The following CEP290 variants were observed in gnomAD, a reference collection of about 807,000 sequenced individuals.
The protein encoded by CEP290 is centrosomal protein of 290 kDa.
CEP290 carries 317 observed loss-of-function variants against 344.9 expected under a neutral mutation model. The ratio of observed to expected loss-of-function variants is 0.92; its 90% confidence interval spans 0.84 to 1.01. The LOEUF is 1.01. Ranked by LOEUF, CEP290 falls within the 50% of genes least tolerant of loss-of-function variation. CEP290 has a pLI of 0.00. For missense variants in CEP290, 2,754 were observed against 2,761.4 expected (o/e 1.00, Z 0.06); for synonymous variants, 932 against 895.8 (o/e 1.04, Z -0.72).
rs773622064 is a variant in CEP290 at position 88,136,714 on chromosome 12, AT to A, written c.369del (p.Gln123HisfsTer2). The A allele has an allele frequency of 4.3e-6, 7 of 1,613,478 alleles. No homozygotes were observed. In the African/African-American group the frequency reaches 9.4e-5, roughly 22 times the overall value. On this transcript the variant is annotated frameshift_variant, in exon 6 of 54. Coordinates refer to ENST00000552810, the MANE Select transcript of CEP290 (RefSeq NM_025114.4). LOFTEE classifies it high-confidence loss of function. ...LRNEICQLEK[Q>X]LEQKDRELED... ...TCCAATTCTCTATCTTTTTGTTCTA[AT>A]TGTTTTTCAAGTTGGCAAATTTCAT... is the stretch of plus-strand genomic sequence containing the variant.
At chr12:88,125,208 T>G (rs2039656331) in intron 13 of CEP290, 38 bp downstream of exon 13, 1 of 594,932 alleles carries the variant, frequency 1.7e-6, no homozygotes, top group African/African-American at 1.9e-5. Flanking sequence ...GTTAAAAACA[T>G]AATTGTATAT....
intron 49 of CEP290, among the ~76,000 whole-genome samples, chr12:88,056,072 A>C (rs1240820841): frequency 6.6e-6 from 1 of 152,170 alleles, no homozygotes; most frequent in African/African-American, 2.4e-5. Context: ...AGAAATATAA[A>C]GATGGCAAAT....
rs139903067 is a variant in CEP290, at chr12:88,088,354, T to C, written c.4030-410A>G. On this transcript the variant is annotated intron_variant, in intron 31 of 53. Coordinates refer to ENST00000552810, the MANE Select transcript of CEP290 (RefSeq NM_025114.4). ...TTCTTTCTAAATGAAGATTAAACCA[T>C]ATTAAAAGTAAATGTGGGCCCACTA... Among the ~76,000 whole-genome samples the C allele has an allele frequency of 3.3e-5, 5 of 152,254 alleles. No homozygotes were observed. The East Asian group carries it at 7.7e-4, about 24-fold the overall frequency.
In CEP290 at chr12:88,126,362, T is replaced by C; in HGVS notation, c.1019A>G (p.Asn340Ser). 6.6e-7 allele frequency: 1 copy of C among 1,508,158 alleles called. No individual in the cohort carries two copies. Among genetic ancestry groups the C allele is most frequent in the Non-Finnish European group, 8.8e-7 (1 of 1,133,078 alleles). The allele number at this position is 1,508,158 out of a possible 1,614,324, so 93.4% of individuals were successfully genotyped here. Residue 340 changes from asparagine to serine, a missense_variant, in exon 12 of 54, where the codon AAT (asparagine) becomes AGT (serine). Transcript: ENST00000552810. ...MLHNLREKLK[N>S]AQLDADKSNV... ...ACTTTTATCAGCATCAAGCTGAGCATTCTTAAGTTTCTCCCTTAGGTTATG... is the reference window on the plus strand; with the variant it reads ...ACTTTTATCAGCATCAAGCTGAGCACTCTTAAGTTTCTCCCTTAGGTTATG...
chr12:88,103,178 C>T (rs1043758012), intron 25 of CEP290, 167 bp from the exon 26 acceptor site: 3 of 399,980 alleles, frequency 7.5e-6, no homozygotes, highest in African/African-American at 6.2e-5. Flanking sequence ...TAATTTCTTT[C>T]ATATAAGAAA....
chr12:88,128,980 A>G lies in CEP290; in HGVS notation c.908T>C (p.Met303Thr). ...KSKNEEDDPI[M>T]VAVNAKVEEW... is the part of the protein sequence containing the mutation. The stretch of plus-strand genomic sequence containing the variant: ...TTCTACTTTTGCATTGACAGCTACC[A>G]TAATTGGATCATCTTCTTCATTTTT... The change falls in exon 11 of 54, where the codon ATG becomes ACG. Residue 303 changes from methionine to threonine, a missense_variant. Met to Thr is a moderately conservative substitution (Grantham distance 81). Coordinates refer to ENST00000552810, the MANE Select transcript of CEP290 (RefSeq NM_025114.4). The G allele has an allele frequency of 1.3e-6, 2 of 1,541,714 alleles. No homozygotes were observed. Among genetic ancestry groups the G allele is most frequent in the Non-Finnish European group, 1.7e-6 (2 of 1,153,812 alleles).
chr12:88,114,593 T>C (rs1037522819), intron 19 of CEP290, 31 bp from the exon 20 acceptor site: 4 of 1,503,862 alleles, frequency 2.7e-6, no homozygotes, highest in South Asian at 2.6e-5. Context: ...CATTGGATGA[T>C]CAGATCTTTT....
Position 88,083,837 on chromosome 12 carries a change from A to G in CEP290, c.4812+10T>C. ...CAATAAAGAATGGAACAAAGTTCTT[A>G]GAATCTTACCCAAGCCGTTTGTTTG... On this transcript the variant is annotated intron_variant, in intron 36 of 53. Transcript: ENST00000552810. 3.3e-6 allele frequency: 5 copies of G among 1,496,758 alleles called. No homozygotes were observed. Among genetic ancestry groups the G allele is most frequent in the Non-Finnish European group, 3.7e-6 (4 of 1,095,546 alleles). The allele number at this position is 1,496,758 out of a possible 1,614,324, so 92.7% of individuals were successfully genotyped here.
At position 88,074,743 on chromosome 12, in the gene CEP290, C is replaced by G. The variant is rs539456393; in HGVS notation, c.5709+2479G>C. Among the ~76,000 whole-genome samples, 12 of 152,264 alleles carry G rather than the reference C, an allele frequency of 7.9e-5. 1 individual carries two copies. The South Asian group carries it at 2.3e-3, about 29-fold the overall frequency. On this transcript the variant is annotated intron_variant, in intron 41 of 53. Transcript: ENST00000552810. Reference sequence around the variant, plus strand: ...ATACGAGGGGGTCCTGCCCCATACCCTAGGAGAAGAAATACTGATGTCATG... The same window carrying G: ...ATACGAGGGGGTCCTGCCCCATACCGTAGGAGAAGAAATACTGATGTCATG...
In CEP290 at chr12:88,059,000, T is replaced by C. The variant is rs544886883; in HGVS notation, c.6666A>G (p.Lys2222=). The change falls in exon 49 of 54, where the codon AAA becomes AAG. Residue 2222 remains lysine, a synonymous_variant. Coordinates refer to ENST00000552810, the MANE Select transcript of CEP290 (RefSeq NM_025114.4). ...ELKKETDAAE[K]LRIAKNNLEI... is the part of the protein sequence containing the mutation. ...CTAAATTATTCTTTGCTATCCGTAA[T>C]TTCTCTGCAGCATCAGTTTCCTATC... is the stretch of plus-strand genomic sequence containing the variant. 9.9e-5 allele frequency: 160 copies of C among 1,611,528 alleles called. 3 individuals are homozygous for C. The East Asian group carries it at 3.5e-3, about 36-fold the overall frequency.
chr12:88,107,756 G>A (rs1167628594), intron 23 of CEP290, among the ~76,000 whole-genome samples: 1 of 151,936 alleles, frequency 6.6e-6, no homozygotes, highest in Non-Finnish European at 1.5e-5. Context: ...ACAAAAATTA[G>A]CCAGGCGTGG....
At chr12:88,086,787 A>G (rs905694528) in intron 32 of CEP290, among the ~76,000 whole-genome samples, 23 of 151,998 alleles carry the variant, frequency 1.5e-4, no homozygotes, top group African/African-American at 5.6e-4. Flanking sequence ...GCCAAGCATC[A>G]TTCTAGGAAA....
In CEP290 at chr12:88,049,047, TAAG is replaced by T. The variant is rs1178852308; in HGVS notation, c.*134_*136del. 1 of 457,162 alleles carries T rather than the reference TAAG, an allele frequency of 2.2e-6. No individual in the cohort carries two copies. The highest frequency in any genetic ancestry group is 3.9e-6 in the Non-Finnish European group (1 of 258,814). 28.3% of individuals were successfully genotyped at this position (457,162 alleles called of 1,614,324 possible). ...GAAAATTTCATATAATTTTATTTAT[TAAG>T]AATTCCAATCTAAGTATAAAGGTAC... On this transcript the variant is annotated 3_prime_UTR_variant, in exon 54 of 54. Transcript: ENST00000552810.
rs763720636 is a variant in CEP290, at chr12:88,106,864, T to G, written c.2628A>C (p.Lys876Asn). The part of the protein sequence containing the change: ...NALQMDSDEM[K>N]KILAENSRKI... ...TCCTACTATTTTCTGCAAGTATTTTTTTCATTTCATCCGAATCCATCTGAA... is the reference window on the plus strand; with the variant it reads ...TCCTACTATTTTCTGCAAGTATTTTGTTCATTTCATCCGAATCCATCTGAA... Residue 876 changes from lysine to asparagine, a missense_variant, in exon 25 of 54, where the codon AAA becomes AAC. Transcript: ENST00000552810. The G allele has an allele frequency of 6.2e-7, 1 of 1,607,442 alleles. No homozygotes were observed. Among genetic ancestry groups the G allele is most frequent in the Non-Finnish European group, 8.5e-7 (1 of 1,176,474 alleles).
chr12:88,059,161 C>G (rs2034256840), intron 48 of CEP290, 141 bp from the exon 49 acceptor site: 1 of 633,852 alleles, frequency 1.6e-6, no homozygotes, highest in Admixed American at 3.4e-5. Flanking sequence ...TCAACAAATT[C>G]AACATCTCTC....
intron 46 of CEP290, 52 bp from the exon 47 acceptor site, chr12:88,061,046 C>T (rs962742855): frequency 6.9e-5 from 93 of 1,338,752 alleles, no homozygotes; most frequent in Admixed American, 2.5e-4. Flanking sequence ...AAGTATAATA[C>T]GAAGTACCAA....
At chr12:88,081,136 G>A (rs2036170924) in intron 37 of CEP290, among the ~76,000 whole-genome samples, 1 of 152,086 alleles carries the variant, frequency 6.6e-6, no homozygotes, top group African/African-American at 2.4e-5. Context: ...ATGTTTAGCA[G>A]CATCTTTTGA....
chr12:88,051,013 C>T (rs2033456844), intron 52 of CEP290, among the ~76,000 whole-genome samples: 1 of 152,094 alleles, frequency 6.6e-6, no homozygotes, highest in African/African-American at 2.4e-5. Context: ...AAGTTAACAC[C>T]TCTAACTTTA....
chr12:88,115,967 T>C (rs1351379631), intron 18 of CEP290: 2 of 984,812 alleles, frequency 2.0e-6, no homozygotes, highest in African/African-American at 1.7e-5. Flanking sequence ...CATACTTTAC[T>C]TGGGAATGAA....
Sources: gnomAD v4.1 joint callset for allele counts (sites outside exome capture counted in the v4.1 genomes callset) on GRCh38, gnomAD v4.1.1 for gene constraint, MANE v1.5 for transcripts, NCBI Gene and HGNC (gene_info 2026-07-23, HGNC 2026-07-21) for gene names.